Variants in DPYSL3 observed in about 807,000 individuals in gnomAD.
DPYSL3 encodes the protein dihydropyrimidinase-related protein 3.
A neutral mutation model predicts 66.1 loss-of-function variants in DPYSL3; 16 were observed. That is an observed-to-expected ratio of 0.24 (90% CI 0.16 to 0.37). The LOEUF is 0.37. DPYSL3 is among the 10% of genes least tolerant of loss of function. The probability of loss-of-function intolerance (pLI) is 1.00; values close to 1 mark genes in which losing one functional copy is unlikely to be tolerated. For synonymous variants in DPYSL3, 338 were observed against 345.1 expected, an observed-to-expected ratio of 0.98 and a Z score of 0.23; for missense variants, 738 against 916.2, an observed-to-expected ratio of 0.81 and a Z score of 2.51.
Position 147,422,307 on chromosome 5 carries a change from T to C in DPYSL3, c.470+2568A>G, listed in dbSNP as rs570074040. On this transcript the variant is annotated intron_variant, in intron 2 of 13. Transcript: ENST00000343218. ...AAATCAAAACCATAATGAGATACCA[T>C]CTCACGCCAGTTAGAATGGCGATCA... Among the ~76,000 whole-genome samples the C allele has an allele frequency of 3.3e-5, 5 of 152,262 alleles. No individual in the cohort carries two copies. In the East Asian group the frequency reaches 5.8e-4, roughly 18 times the overall value.
intron 2 of DPYSL3, among the ~76,000 whole-genome samples, chr5:147,422,024 T>TA (rs1752090691): frequency 1.3e-5 from 2 of 152,060 alleles, no homozygotes; most frequent in Non-Finnish European, 2.9e-5. Context: ...CTAATTAAAC[T>TA]AAAGAGCTTC....
intron 1 of DPYSL3, among the ~76,000 whole-genome samples, chr5:147,431,172 C>G (rs980401095): frequency 6.6e-6 from 1 of 152,166 alleles, no homozygotes; most frequent in African/African-American, 2.4e-5. Flanking sequence ...TCTTGTTTTT[C>G]TTCCCCAAAG....
At position 147,465,103 on chromosome 5, in the gene DPYSL3, AG is replaced by A. The variant is rs1235034155; in HGVS notation, c.382-40141del. ...CAGCTACTTGGGAGGCTAAAATAGG[AG>A]GATTAGTTGAGCCCAGGAGGTCAAG... On this transcript the variant is annotated intron_variant, in intron 1 of 13. Transcript: ENST00000343218. Among the ~76,000 whole-genome samples, 6 of 152,242 alleles carry A rather than the reference AG, an allele frequency of 3.9e-5. No homozygotes were observed. The East Asian group carries it at 1.2e-3, about 29-fold the overall frequency.
At chr5:147,447,395 T>A (rs1752647563) in intron 1 of DPYSL3, among the ~76,000 whole-genome samples, 1 of 152,192 alleles carries the variant, frequency 6.6e-6, no homozygotes, top group African/African-American at 2.4e-5. Context: ...GAAATAGGCA[T>A]ATGTTGATGA....
chr5:147,423,220 G>A (rs1393870314), intron 2 of DPYSL3, among the ~76,000 whole-genome samples: 1 of 151,990 alleles, frequency 6.6e-6, no homozygotes, highest in African/African-American at 2.4e-5. Context: ...ATATATTTTG[G>A]TTTTCCCATT....
intron 1 of DPYSL3, among the ~76,000 whole-genome samples, chr5:147,484,787 G>A (rs913535269): frequency 1.2e-4 from 18 of 152,192 alleles, no homozygotes; most frequent in African/African-American, 3.9e-4. Context: ...ATGATTTGAC[G>A]TGGTTTGTTA....
chr5:147,407,046 T>C (rs1212330900), intron 7 of DPYSL3, among the ~76,000 whole-genome samples: 1 of 152,180 alleles, frequency 6.6e-6, no homozygotes, highest in Non-Finnish European at 1.5e-5. Context: ...TCTCTATGCC[T>C]GGGGTCCCAG....
At chr5:147,452,836 T>G (rs1381437866) in intron 1 of DPYSL3, among the ~76,000 whole-genome samples, 2 of 151,190 alleles carry the variant, frequency 1.3e-5, no homozygotes, top group African/African-American at 4.9e-5. Context: ...GCCTTTTCTT[T>G]GATGTGAGGG....
chr5:147,392,802 G>A lies in DPYSL3; in HGVS notation c.*1233C>T, dbSNP rs1408086658. 2 of 152,214 alleles carry A rather than the reference G, an allele frequency of 1.3e-5. No homozygotes were observed. The highest frequency in any genetic ancestry group is 2.9e-5 in the Non-Finnish European group (2 of 68,048). 9.4% of individuals were successfully genotyped at this position (152,214 alleles called of 1,614,324 possible). On this transcript the variant is annotated 3_prime_UTR_variant, in exon 14 of 14. Coordinates refer to ENST00000343218, the MANE Select transcript of DPYSL3 (RefSeq NM_001197294.2). ...CCCAGAGTTTCTGCTAATGGAAGGG[G>A]AAACAGGTGGTTTGGAATGGAAAGG...
intron 1 of DPYSL3, among the ~76,000 whole-genome samples, chr5:147,507,723 A>G (rs1021615619): frequency 6.6e-6 from 1 of 152,190 alleles, no homozygotes; most frequent in Admixed American, 6.5e-5. Flanking sequence ...AATCCTGCTG[A>G]TGCCTAGGTT....
intron 1 of DPYSL3, among the ~76,000 whole-genome samples, chr5:147,451,969 A>G (rs1459614970): frequency 1.3e-5 from 2 of 152,146 alleles, no homozygotes; most frequent in Non-Finnish European, 2.9e-5. Flanking sequence ...GAATGCCATC[A>G]GGTAGTGGTA....
chr5:147,414,677 C>T (rs1428064759), intron 4 of DPYSL3, among the ~76,000 whole-genome samples: 2 of 152,136 alleles, frequency 1.3e-5, no homozygotes, highest in African/African-American at 2.4e-5. Context: ...TTGAGATGCC[C>T]AGTATAAACG....
chr5:147,490,459 G>C (rs1422890485), intron 1 of DPYSL3, among the ~76,000 whole-genome samples: 1 of 152,124 alleles, frequency 6.6e-6, no homozygotes, highest in Non-Finnish European at 1.5e-5. Context: ...TATCAAAATA[G>C]AGTACCAGAT....
intron 13 of DPYSL3, among the ~76,000 whole-genome samples, chr5:147,395,078 G>A (rs1757928885): frequency 6.6e-6 from 1 of 152,190 alleles, no homozygotes; most frequent in African/African-American, 2.4e-5. Flanking sequence ...TCAATCAGTG[G>A]TAGCTAGTGT....
chr5:147,463,450 A>G (rs1484708143), intron 1 of DPYSL3, among the ~76,000 whole-genome samples: 1 of 152,176 alleles, frequency 6.6e-6, no homozygotes, highest in African/African-American at 2.4e-5. Flanking sequence ...GGAAAGATTA[A>G]AAGATCGAGG....
At chr5:147,493,571 C>A (rs1308532811) in intron 1 of DPYSL3, among the ~76,000 whole-genome samples, 3 of 148,222 alleles carry the variant, frequency 2.0e-5, no homozygotes, top group South Asian at 4.3e-4. Context: ...GAGACTCTGT[C>A]TAAAAAAAAA....
At chr5:147,410,762 C>G (rs1751835655) in intron 6 of DPYSL3, among the ~76,000 whole-genome samples, 1 of 152,142 alleles carries the variant, frequency 6.6e-6, no homozygotes, top group Non-Finnish European at 1.5e-5. Flanking sequence ...TGAATAAGTG[C>G]AGCAAGAAAT....
chr5:147,454,523 A>G (rs1752810719), intron 1 of DPYSL3, among the ~76,000 whole-genome samples: 1 of 152,218 alleles, frequency 6.6e-6, no homozygotes, highest in Admixed American at 6.5e-5. Context: ...TGTTAAAGAA[A>G]CTCCACTGCC....
At chr5:147,424,849 TAA>T in intron 2 of DPYSL3, 24 bp downstream of exon 2, 1 of 1,540,408 alleles carries the variant, frequency 6.5e-7, no homozygotes, top group Non-Finnish European at 8.9e-7. Context: ...TGCAAAACAA[TAA>T]AGAGAAGAAT....
Sources: gnomAD v4.1 joint callset for allele counts (sites outside exome capture counted in the v4.1 genomes callset) on GRCh38, gnomAD v4.1.1 for gene constraint, MANE v1.5 for transcripts, NCBI Gene and HGNC (gene_info 2026-07-23, HGNC 2026-07-21) for gene names.